GPR19: variants seen among roughly 807,000 people sequenced by gnomAD.
GPR19 encodes G protein-coupled receptor 19.
Under a neutral mutation model 28.5 loss-of-function variants are expected in GPR19, and 14 were observed. The ratio of observed to expected loss-of-function variants is 0.49; its 90% CI spans 0.32 to 0.77. The LOEUF (loss-of-function observed/expected upper bound fraction) is 0.77. GPR19 is among the 30% of genes least tolerant of loss of function. The pLI, the probability that GPR19 is intolerant of heterozygous loss-of-function variation, is 0.03. For missense variants in GPR19, 409 were observed against 504.1 expected (o/e 0.81, Z 1.81); for synonymous variants, 173 against 184.1 (o/e 0.94, Z 0.49).
rs1053385076 is a variant in GPR19, at chr12:12,665,665, C to T, written c.-22-3195G>A. 2.6e-5 allele frequency among the ~76,000 whole-genome samples: 4 copies of T among 151,570 alleles called. No homozygotes were observed. The East Asian group carries it at 7.7e-4, about 29-fold the overall frequency. ...CATCCTGGCTAACACAGTGAAACTCCGTCCAACTAAAAATACAAAAAATTA... is the reference window on the plus strand; with the variant it reads ...CATCCTGGCTAACACAGTGAAACTCTGTCCAACTAAAAATACAAAAAATTA... On this transcript the variant is annotated intron_variant, in intron 3 of 3. Transcript: ENST00000651487.
the GPR19 span, among the ~76,000 whole-genome samples, chr12:12,715,504 C>T: frequency 1.3e-5 from 2 of 152,208 alleles, no homozygotes; most frequent in South Asian, 4.1e-4. Context: ...GATGGTGATA[C>T]CACAGGCTCA....
At chr12:12,670,103 G>A (rs1945835808) in intron 3 of GPR19, among the ~76,000 whole-genome samples, 1 of 152,242 alleles carries the variant, frequency 6.6e-6, no homozygotes, top group Admixed American at 6.5e-5. Context: ...GCATGACTGT[G>A]TGGGGTAACA....
intron 2 of GPR19, among the ~76,000 whole-genome samples, chr12:12,690,250 C>T (rs781047602): frequency 6.6e-6 from 1 of 152,064 alleles, no homozygotes; most frequent in African/African-American, 2.4e-5. Flanking sequence ...ATATCTGTAG[C>T]GAGTTAAATA....
the GPR19 span, chr12:12,703,331 C>T: frequency 5.4e-6 from 5 of 931,686 alleles, no homozygotes; most frequent in African/African-American, 8.9e-5. Context: ...TTGTGAGACA[C>T]AGTCTCACTT....
At position 12,662,398 on chromosome 12, in the gene GPR19, A is replaced by G. The variant is rs769026903; in HGVS notation, c.51T>C (p.Pro17=). 6.2e-7 allele frequency: 1 copy of G among 1,614,214 alleles called. No homozygotes were observed. The highest frequency in any genetic ancestry group is 8.5e-7 in the Non-Finnish European group (1 of 1,180,014). ...MDNSKPHLII[P]TLLVPLQNRS... Reference sequence around the variant, plus strand: ...GGTTTTGGAGGGGCACCAGAAGTGTAGGAATAATCAAATGTGGCTTGCTGT... The same window carrying G: ...GGTTTTGGAGGGGCACCAGAAGTGTGGGAATAATCAAATGTGGCTTGCTGT... The change falls in exon 4 of 4, where the codon CCT becomes CCC. Residue 17 remains proline (P), a synonymous_variant. Coordinates refer to ENST00000651487, the MANE Select transcript of GPR19 (RefSeq NM_006143.3).
At chr12:12,711,335 C>T in the GPR19 span, among the ~76,000 whole-genome samples, 3 of 149,914 alleles carry the variant, frequency 2.0e-5, no homozygotes, top group Admixed American at 1.3e-4. Flanking sequence ...CTTATTTCTT[C>T]TCCCAAATCA....
the GPR19 span, among the ~76,000 whole-genome samples, chr12:12,703,710 G>A: frequency 6.6e-6 from 1 of 152,138 alleles, no homozygotes; most frequent in Non-Finnish European, 1.5e-5. Context: ...CCATAGTGCT[G>A]AGTTAGGAGC....
chr12:12,690,026 C>G (rs944139890), intron 2 of GPR19, among the ~76,000 whole-genome samples: 1 of 152,202 alleles, frequency 6.6e-6, no homozygotes, highest in East Asian at 1.9e-4. Context: ...TTGTGAGAGA[C>G]CCGAAGCCAG....
At chr12:12,716,613 GT>G in the GPR19 span, 147 of 224,694 alleles carry the variant, frequency 6.5e-4, no homozygotes, top group Middle Eastern at 2.3e-3. Flanking sequence ...AGAGTTTTTT[GT>G]TTTTTTTTTT....
intron 2 of GPR19, chr12:12,688,674 T>A (rs1946129784): frequency 6.6e-6 from 1 of 152,262 alleles, no homozygotes; most frequent in South Asian, 2.1e-4. Flanking sequence ...TCAATTATTC[T>A]AAGCCTTTCT....
At chr12:12,676,949 C>T (rs1490491486) in intron 3 of GPR19, among the ~76,000 whole-genome samples, 1 of 152,146 alleles carries the variant, frequency 6.6e-6, no homozygotes, top group Non-Finnish European at 1.5e-5. Flanking sequence ...GAGGCAAAGA[C>T]TAGACTTACT....
chr12:12,687,380 G>C (rs902519931), intron 2 of GPR19, among the ~76,000 whole-genome samples: 3 of 152,102 alleles, frequency 2.0e-5, no homozygotes, highest in African/African-American at 7.2e-5. Flanking sequence ...TAGACCTCTG[G>C]CTTCAGGTAA....
upstream of GPR19, among the ~76,000 whole-genome samples, chr12:12,696,411 A>G (rs1357472425): frequency 6.7e-6 from 1 of 148,424 alleles, no homozygotes; most frequent in Non-Finnish European, 1.5e-5. Context: ...GCTGCAGTCA[A>G]ATGAAAAAGA....
Position 12,662,462 on chromosome 12 carries a change from C to G in GPR19, c.-14G>C, listed in dbSNP as rs1030209849. ...AGCAAAAACCATATTCACTTTTTTT[C>G]TCTTAATTCTGGTTGGGGAAAAGAA... is the stretch of plus-strand genomic sequence containing the variant. On this transcript the variant is annotated 5_prime_UTR_variant, in exon 4 of 4. Coordinates refer to ENST00000651487, the MANE Select transcript of GPR19 (RefSeq NM_006143.3). 3.1e-6 allele frequency: 5 copies of G among 1,608,404 alleles called. No individual in the cohort carries two copies. Among genetic ancestry groups the G allele is most frequent in the Non-Finnish European group, 4.2e-6 (5 of 1,176,514 alleles).
At chr12:12,679,428 CAAAA>C (rs3080711) in intron 3 of GPR19, among the ~76,000 whole-genome samples, 18 of 123,968 alleles carry the variant, frequency 1.5e-4, no homozygotes, top group Non-Finnish European at 1.3e-4. Context: ...CTGTCTCTAT[CAAAA>C]AAAAAAAAAA....
At chr12:12,717,067 C>G in the GPR19 span, 1 of 1,008,432 alleles carries the variant, frequency 9.9e-7, no homozygotes, top group Non-Finnish European at 1.2e-6. Flanking sequence ...CGCCGGGCCC[C>G]GAACCTCAGG....
chr12:12,684,810 T>A (rs976682610), intron 2 of GPR19: 7 of 152,314 alleles, frequency 4.6e-5, no homozygotes, highest in African/African-American at 1.7e-4. Flanking sequence ...TTCTTTTTTT[T>A]CTATCTGAAG....
intron 2 of GPR19, among the ~76,000 whole-genome samples, chr12:12,694,983 T>C (rs1016403917): frequency 6.6e-6 from 1 of 152,254 alleles, no homozygotes; most frequent in Non-Finnish European, 1.5e-5. Context: ...GTGATTACCA[T>C]GCCTGGCTCT....
chr12:12,680,680 A>G (rs544148101), intron 3 of GPR19, among the ~76,000 whole-genome samples: 46 of 149,160 alleles, frequency 3.1e-4, no homozygotes, highest in African/African-American at 1.1e-3. Flanking sequence ...CTATTTTTGT[A>G]GATCTCCCTA....
Sources: allele counts gnomAD v4.1 joint callset (sites outside exome capture counted in the v4.1 genomes callset), GRCh38; gene constraint gnomAD v4.1.1; transcripts MANE v1.5; gene names NCBI Gene and HGNC (gene_info 2026-07-23, HGNC 2026-07-21).